DGKI: variants seen among roughly 807,000 people sequenced by gnomAD.
DGKI encodes the protein DAG kinase iota.
In DGKI, 55 loss-of-function variants were observed where a neutral mutation model predicts 147.5. The observed-to-expected ratio is 0.37, with a 90% CI of 0.30 to 0.47. DGKI has a LOEUF of 0.47. Ranked by LOEUF, DGKI falls within the 20% of genes least tolerant of loss-of-function variation. DGKI has a pLI of 1.00. For missense variants in DGKI, 1,007 were observed against 1,323.8 expected (o/e 0.76, Z 3.71); for synonymous variants, 469 against 477.1 (o/e 0.98, Z 0.22).
At chr7:137,827,592 C>T (rs1271391020) in intron 1 of DGKI, among the ~76,000 whole-genome samples, 1 of 152,204 alleles carries the variant, frequency 6.6e-6, no homozygotes, top group African/African-American at 2.4e-5. Flanking sequence ...ACAGAACTAA[C>T]CTCTCCCACT....
intron 8 of DGKI, among the ~76,000 whole-genome samples, chr7:137,610,836 G>GA (rs1031787583): frequency 2.6e-5 from 4 of 151,948 alleles, no homozygotes; most frequent in Admixed American, 1.3e-4. Context: ...TTGGATTTGG[G>GA]AAAAAAAATA....
chr7:137,410,531 C>A (rs965208235), intron 29 of DGKI, among the ~76,000 whole-genome samples: 4 of 152,086 alleles, frequency 2.6e-5, no homozygotes, highest in African/African-American at 9.7e-5. Context: ...TGACAAAAAC[C>A]AAATTACTTT....
intron 5 of DGKI, among the ~76,000 whole-genome samples, chr7:137,648,683 G>A (rs7806701): frequency 0.1 from 15,778 of 152,100 alleles, 2,325 homozygotes; most frequent in African/African-American, 0.33. Flanking sequence ...TAAAACTTAC[G>A]AATTGTTTAT....
chr7:137,541,927 T>G lies in DGKI; in HGVS notation c.2147+10442A>C, dbSNP rs546882356. 1.6e-3 allele frequency among the ~76,000 whole-genome samples: 243 copies of G among 151,688 alleles called. 1 individual carries two copies. The highest frequency in any genetic ancestry group is 3.2e-3 in the Non-Finnish European group (214 of 67,920). Reference sequence around the variant, plus strand: ...TCTGGATTCTGTCAAAAGGTTTCACTCTACAAAAGATATCACCAAGAGAAT... The same window carrying G: ...TCTGGATTCTGTCAAAAGGTTTCACGCTACAAAAGATATCACCAAGAGAAT... On this transcript the variant is annotated intron_variant, in intron 20 of 32. Transcript: ENST00000614521.
At chr7:137,767,031 C>A (rs1796034219) in intron 1 of DGKI, among the ~76,000 whole-genome samples, 4 of 152,198 alleles carry the variant, frequency 2.6e-5, no homozygotes, top group African/African-American at 9.6e-5. Context: ...GCCGGGGCCA[C>A]CCACAGAAGG....
rs187640312 is a variant in DGKI, at chr7:137,428,437, C to T, written c.2761+15640G>A. Among the ~76,000 whole-genome samples the T allele has an allele frequency of 3.5e-3, 539 of 152,236 alleles. 4 individuals carry two copies. The highest frequency in any genetic ancestry group is 0.014 in the South Asian group (69 of 4,818). On this transcript the variant is annotated intron_variant, in intron 28 of 32. Coordinates refer to ENST00000614521, the MANE Select transcript of DGKI (RefSeq NM_001321708.2). ...AGAGCTATCTATGACAAACCCACAGCCAATATCATACTGAATGGGCAAAAA... is the reference window on the plus strand; with the variant it reads ...AGAGCTATCTATGACAAACCCACAGTCAATATCATACTGAATGGGCAAAAA...
At chr7:137,535,868 C>T (rs907981367) in intron 20 of DGKI, among the ~76,000 whole-genome samples, 1 of 152,088 alleles carries the variant, frequency 6.6e-6, no homozygotes, top group Non-Finnish European at 1.5e-5. Flanking sequence ...GTCAGCATGA[C>T]ATTTCCTGAT....
At chr7:137,721,540 C>T (rs1036466020) in intron 1 of DGKI, among the ~76,000 whole-genome samples, 2 of 152,290 alleles carry the variant, frequency 1.3e-5, no homozygotes, top group South Asian at 4.1e-4. Flanking sequence ...CTTTCTTGGA[C>T]TATTGTGAGA....
At chr7:137,507,758 G>A (rs1816416772) in intron 21 of DGKI, among the ~76,000 whole-genome samples, 1 of 152,150 alleles carries the variant, frequency 6.6e-6, no homozygotes, top group African/African-American at 2.4e-5. Context: ...AGAATTGGAG[G>A]AGGAGGGGAG....
intron 1 of DGKI, among the ~76,000 whole-genome samples, chr7:137,738,732 C>A (rs928545372): frequency 4.1e-5 from 6 of 147,736 alleles, no homozygotes; most frequent in South Asian, 2.2e-4. Context: ...GTTCCCCCCC[C>A]CCCTTTCCTT....
intron 1 of DGKI, among the ~76,000 whole-genome samples, chr7:137,698,062 A>C (rs1338518385): frequency 6.6e-6 from 1 of 151,150 alleles, no homozygotes; most frequent in Non-Finnish European, 1.5e-5. Context: ...ATAGATATCT[A>C]TATATATCTC....
intron 2 of DGKI, among the ~76,000 whole-genome samples, chr7:137,678,971 C>G (rs1823135390): frequency 6.6e-6 from 1 of 152,164 alleles, no homozygotes; most frequent in Non-Finnish European, 1.5e-5. Flanking sequence ...AAACCTTATT[C>G]ACCAGGCCCA....
rs145079424 is a variant in DGKI at position 137,673,232 on chromosome 7, G to A, written c.606+5325C>T. On this transcript the variant is annotated intron_variant, in intron 3 of 32. Transcript: ENST00000614521. Reference sequence around the variant, plus strand: ...TGAAGTCCTGAGGCGTCAGGACTTCGACATATCTTTTGGAGTACACTATTT... The same window carrying A: ...TGAAGTCCTGAGGCGTCAGGACTTCAACATATCTTTTGGAGTACACTATTT... Among the ~76,000 whole-genome samples, 373 of 152,200 alleles carry A rather than the reference G, an allele frequency of 2.5e-3. 6 individuals carry two copies. The East Asian group carries it at 0.043, about 17-fold the overall frequency.
chr7:137,608,898 G>T (rs912604188), intron 10 of DGKI, 68 bp downstream of exon 10: 3 of 1,200,356 alleles, frequency 2.5e-6, no homozygotes, highest in Non-Finnish European at 3.7e-6. Context: ...ATTTTAATTG[G>T]CAGTGAGAGT....
chr7:137,446,394 C>A (rs886971280), intron 27 of DGKI, among the ~76,000 whole-genome samples: 3 of 152,220 alleles, frequency 2.0e-5, no homozygotes, highest in Non-Finnish European at 4.4e-5. Context: ...TTTCCATCCT[C>A]ACTCAGTATT....
intron 1 of DGKI, among the ~76,000 whole-genome samples, chr7:137,844,424 A>G (rs930213703): frequency 5.8e-4 from 89 of 152,318 alleles, no homozygotes; most frequent in African/African-American, 1.9e-3. Context: ...CTGCATAAAC[A>G]TCGCCTGAGG....
intron 1 of DGKI, among the ~76,000 whole-genome samples, chr7:137,719,947 C>A (rs915934981): frequency 6.6e-6 from 1 of 152,134 alleles, no homozygotes; most frequent in East Asian, 1.9e-4. Flanking sequence ...GCTGGTGAAG[C>A]CTGACCCCTC....
At chr7:137,828,701 C>G (rs773308191) in intron 1 of DGKI, among the ~76,000 whole-genome samples, 10 of 152,212 alleles carry the variant, frequency 6.6e-5, no homozygotes, top group Non-Finnish European at 1.5e-4. Context: ...CAAACACACA[C>G]AGATCCTCCT....
At chr7:137,679,668 C>G (rs1823163039) in intron 2 of DGKI, among the ~76,000 whole-genome samples, 1 of 151,902 alleles carries the variant, frequency 6.6e-6, no homozygotes, top group Non-Finnish European at 1.5e-5. Flanking sequence ...ATGGGGGATA[C>G]TATGGACTAA....
Sources: allele counts gnomAD v4.1 joint callset (sites outside exome capture counted in the v4.1 genomes callset), GRCh38; gene constraint gnomAD v4.1.1; transcripts MANE v1.5; gene names NCBI Gene and HGNC (gene_info 2026-07-23, HGNC 2026-07-21).